The following AREL1 variants were observed in gnomAD, a reference collection of about 807,000 sequenced individuals.
AREL1 encodes the protein apoptosis-resistant E3 ubiquitin protein ligase 1.
In AREL1, 62 loss-of-function variants were observed where a neutral mutation model predicts 99.0. The ratio of observed to expected loss-of-function variants is 0.63; its 90% CI spans 0.51 to 0.77. The LOEUF is 0.77. Among genes scored for constraint, AREL1 ranks in the 30% least tolerant of loss-of-function variants. AREL1 has a pLI of 0.00. For synonymous variants in AREL1, 380 were observed against 376.5 expected (o/e 1.01, Z -0.11); for missense variants, 879 against 1,027.6 (o/e 0.86, Z 1.98).
At chr14:74,667,841 G>T (rs1161219129) in intron 15 of AREL1, among the ~76,000 whole-genome samples, 3 of 152,170 alleles carry the variant, frequency 2.0e-5, no homozygotes, top group African/African-American at 7.2e-5. Flanking sequence ...GGTCTTCTCT[G>T]ACTCAGTCAA....
chr14:74,685,574 T>TA, intron 3 of AREL1, 26 bp downstream of exon 3: 2 of 1,613,638 alleles, frequency 1.2e-6, no homozygotes, highest in Non-Finnish European at 1.7e-6. Flanking sequence ...AAAAATATAA[T>TA]AGAGAGAGCT....
intron 5 of AREL1, among the ~76,000 whole-genome samples, chr14:74,678,885 A>G (rs2089559810): frequency 6.6e-6 from 1 of 152,110 alleles, no homozygotes; most frequent in South Asian, 2.1e-4. Flanking sequence ...AAATGGATGC[A>G]CTGGATTTCT....
At chr14:74,675,033 T>TA (rs951566312) in intron 8 of AREL1, among the ~76,000 whole-genome samples, 2 of 151,976 alleles carry the variant, frequency 1.3e-5, no homozygotes, top group Admixed American at 6.6e-5. Flanking sequence ...GTTTTCTTGA[T>TA]AAAAAAAAGT....
intron 5 of AREL1, among the ~76,000 whole-genome samples, chr14:74,677,335 C>T (rs1395486870): frequency 1.3e-5 from 2 of 151,528 alleles, no homozygotes; most frequent in Non-Finnish European, 2.9e-5. Context: ...ACCATCTCTA[C>T]AAAAAATAAA....
intron 2 of AREL1, among the ~76,000 whole-genome samples, chr14:74,689,415 C>A (rs2089820581): frequency 6.6e-6 from 1 of 152,072 alleles, no homozygotes; most frequent in Non-Finnish European, 1.5e-5. Context: ...CTCATCTCCT[C>A]TGCCTAGAAT....
chr14:74,676,398 C>A, intron 6 of AREL1, 77 bp from the exon 7 acceptor site: 1 of 1,515,918 alleles, frequency 6.6e-7, no homozygotes. Flanking sequence ...TTACAAAGAG[C>A]TTTCCTATCT....
intron 1 of AREL1, among the ~76,000 whole-genome samples, chr14:74,707,699 C>A (rs2090208038): frequency 6.6e-6 from 1 of 150,926 alleles, no homozygotes; most frequent in Non-Finnish European, 1.5e-5. Flanking sequence ...GAGGCTGAGG[C>A]AGGAGAAAGG....
At chr14:74,666,562 C>T (rs114071492) in intron 17 of AREL1, among the ~76,000 whole-genome samples, 3,000 of 152,198 alleles carry the variant, frequency 0.02, 84 homozygotes, top group African/African-American at 0.068. Flanking sequence ...TAGAATGTAG[C>T]CCATGAGGGC....
At position 74,672,983 on chromosome 14, in the gene AREL1, C is replaced by G. The variant is rs760842003; in HGVS notation, c.1301-31G>C. 3.1e-6 allele frequency: 5 copies of G among 1,614,082 alleles called. No homozygotes were observed. The Middle Eastern group carries it at 6.6e-4, about 213-fold the overall frequency. On this transcript the variant is annotated intron_variant, in intron 10 of 19. Coordinates refer to ENST00000356357, the MANE Select transcript of AREL1 (RefSeq NM_001039479.2). ...GAACAGCAAGATCCATCATTACAGC[C>G]TCATTACAAGCCATCTGTGTAGTCC...
rs748044925 is a variant in AREL1 at position 74,669,676 on chromosome 14, T to C, written c.1887A>G (p.Lys629=). The change falls in exon 15 of 20, where the codon AAA becomes AAG. Residue 629 remains lysine, a synonymous_variant. Coordinates refer to ENST00000356357, the MANE Select transcript of AREL1 (RefSeq NM_001039479.2). ...TATCCAATTGACCTGATTTATTATA[T>C]TTCTCTTCTGCAAAGACCAGCTCCA... is the stretch of plus-strand genomic sequence containing the variant. The part of the protein sequence containing the change: ...SEMELVFAEE[K]YNKSGQLDKV... 2.0e-5 allele frequency: 32 copies of C among 1,614,186 alleles called. No individual in the cohort carries two copies. In the East Asian group the frequency reaches 5.1e-4, roughly 26 times the overall value.
chr14:74,705,722 G>GT (rs1195635085), intron 1 of AREL1, among the ~76,000 whole-genome samples: 3 of 152,196 alleles, frequency 2.0e-5, no homozygotes, highest in Non-Finnish European at 4.4e-5. Flanking sequence ...CAAGACAAAA[G>GT]TAATTCTGCA....
intron 15 of AREL1, among the ~76,000 whole-genome samples, chr14:74,668,528 A>G (rs1158774221): frequency 2.6e-5 from 4 of 152,156 alleles, no homozygotes; most frequent in Non-Finnish European, 5.9e-5. Flanking sequence ...ATTAAGATTT[A>G]GTATTCATAT....
chr14:74,689,508 T>TCTTCCCTAATATTAAATTTAGAAATTC (rs2089822835), intron 2 of AREL1, among the ~76,000 whole-genome samples: 1 of 151,576 alleles, frequency 6.6e-6, no homozygotes, highest in Non-Finnish European at 1.5e-5. Context: ...CTCTCCAAAA[T>TCTTCCCTAATATTAAATTTAGAAATTC]CTTCCCTAAT....
At position 74,684,645 on chromosome 14, in the gene AREL1, TGAA is replaced by T. The variant is rs1225842400; in HGVS notation, c.49_51del (p.Phe17del). On this transcript the variant is annotated inframe_deletion, in exon 4 of 20. Transcript: ENST00000356357. ...GCAAGCTCAAAGAGGAACTTAATTG[TGAA>T]GAAGAATGCAACCACAGACACTGTG... 3.7e-6 allele frequency: 6 copies of T among 1,614,034 alleles called. No homozygotes were observed. The highest frequency in any genetic ancestry group is 2.7e-5 in the African/African-American group (2 of 74,914).
In AREL1 at chr14:74,695,715, C is replaced by A. The variant is rs145773146; in HGVS notation, c.-333-3387G>T. Reference sequence around the variant, plus strand: ...TGAAATTATTTGTTTATATAGCAGTCTCTCCTAATAGATTGCGGACTCCCC... The same window carrying A: ...TGAAATTATTTGTTTATATAGCAGTATCTCCTAATAGATTGCGGACTCCCC... On this transcript the variant is annotated intron_variant, in intron 1 of 19. Transcript: ENST00000356357. 2.0e-3 allele frequency among the ~76,000 whole-genome samples: 312 copies of A among 152,300 alleles called. 2 individuals are homozygous for A. Among genetic ancestry groups the A allele is most frequent in the Non-Finnish European group, 3.6e-3 (244 of 68,024 alleles).
At chr14:74,683,249 A>G (rs773242655) in intron 5 of AREL1, 47 bp downstream of exon 5, 61 of 1,324,076 alleles carry the variant, frequency 4.6e-5, no homozygotes, top group Non-Finnish European at 6.4e-5. Flanking sequence ...ATGGAAAGAG[A>G]GAGAGGGAAG....
At chr14:74,678,340 G>C (rs373988836) in intron 5 of AREL1, 56 of 381,478 alleles carry the variant, frequency 1.5e-4, no homozygotes, top group African/African-American at 9.1e-4. Context: ...CTACAAAAAA[G>C]ATAAAAAATT....
intron 15 of AREL1, 112 bp from the exon 16 acceptor site, chr14:74,667,706 G>A (rs1296566358): frequency 7.3e-7 from 1 of 1,372,980 alleles, no homozygotes; most frequent in East Asian, 2.4e-5. Context: ...ATCACTGTCA[G>A]TCACAAGTTT....
In AREL1 at chr14:74,675,950, A is replaced by C. The variant is rs563052222; in HGVS notation, c.833-4T>G. ...TCGACGATATTCTTCTCATCCTCTG[A>C]AGTATAATAAGGAATAAGGTTTAAA... On this transcript the variant is annotated splice_polypyrimidine_tract_variant and splice_region_variant and intron_variant, in intron 7 of 19. Transcript: ENST00000356357. 504 of 1,577,500 alleles carry C rather than the reference A, an allele frequency of 3.2e-4. 9 individuals carry two copies. In the South Asian group the frequency reaches 5.7e-3, roughly 18 times the overall value.
Sources: gnomAD v4.1 joint callset for allele counts (sites outside exome capture counted in the v4.1 genomes callset) on GRCh38, gnomAD v4.1.1 for gene constraint, MANE v1.5 for transcripts, NCBI Gene and HGNC (gene_info 2026-07-23, HGNC 2026-07-21) for gene names.